Variants in DLG2 observed in about 807,000 individuals in gnomAD.
DLG2 encodes the protein discs large MAGUK scaffold protein 2, also known as disks large homolog 2.
In DLG2, 45 loss-of-function variants were observed where a neutral mutation model predicts 132.5. That is an observed-to-expected ratio of 0.34 (90% CI 0.27 to 0.44). The LOEUF (loss-of-function observed/expected upper bound fraction) is 0.44, where lower values mean the gene tolerates loss of function less well. Ranked by LOEUF, DLG2 falls within the 20% of genes least tolerant of loss-of-function variation. The pLI, the probability that DLG2 is intolerant of heterozygous loss-of-function variation, is 1.00. For missense variants in DLG2, 1,045 were observed against 1,196.9 expected, an observed-to-expected ratio of 0.87 and a Z score of 1.87; for synonymous variants, 424 against 419.6, an observed-to-expected ratio of 1.01 and a Z score of -0.13.
chr11:84,795,680 T>TGAGAAGAAGAGAAGA (rs1565983846), intron 6 of DLG2, among the ~76,000 whole-genome samples: 1 of 151,878 alleles, frequency 6.6e-6, no homozygotes, highest in African/African-American at 2.4e-5. Flanking sequence ...TTGTGGACAA[T>TGAGAAGAAGAGAAGA]GAGAAGAAGA....
At chr11:85,154,682 C>A in intron 4 of DLG2, 31 bp from the exon 5 acceptor site, 1 of 1,075,554 alleles carries the variant, frequency 9.3e-7, no homozygotes, top group Non-Finnish European at 1.4e-6. Flanking sequence ...ATCAATACTC[C>A]TTTTTTATTT....
intron 6 of DLG2, among the ~76,000 whole-genome samples, chr11:84,692,834 T>G (rs1371271868): frequency 1.3e-5 from 2 of 151,798 alleles, no homozygotes; most frequent in African/African-American, 4.8e-5. Context: ...ACAATTATAA[T>G]AGTTAACATT....
At chr11:84,863,387 C>A (rs886166812) in intron 6 of DLG2, among the ~76,000 whole-genome samples, 3 of 152,086 alleles carry the variant, frequency 2.0e-5, no homozygotes, top group African/African-American at 7.2e-5. Context: ...ATAATGTTTT[C>A]TCAGTTAAGT....
At chr11:83,817,984 A>G (rs1413736061) in intron 17 of DLG2, among the ~76,000 whole-genome samples, 2 of 152,176 alleles carry the variant, frequency 1.3e-5, no homozygotes, top group African/African-American at 2.4e-5. Flanking sequence ...CATCCTTTTT[A>G]TCACACAAAG....
chr11:84,167,966 C>T (rs1055029227), intron 8 of DLG2, among the ~76,000 whole-genome samples: 2 of 152,102 alleles, frequency 1.3e-5, no homozygotes, highest in South Asian at 2.1e-4. Context: ...ACGCCTGGCC[C>T]AAGATGAATA....
intron 19 of DLG2, among the ~76,000 whole-genome samples, chr11:83,562,696 G>GA (rs1446633927): frequency 6.6e-6 from 1 of 151,940 alleles, no homozygotes; most frequent in Non-Finnish European, 1.5e-5. Context: ...TCAGTATATT[G>GA]AAAAAATACA....
intron 6 of DLG2, among the ~76,000 whole-genome samples, chr11:84,674,884 T>G (rs950830338): frequency 6.6e-6 from 1 of 152,166 alleles, no homozygotes; most frequent in Non-Finnish European, 1.5e-5. Context: ...TCAGCCTCCA[T>G]CTCACCAAGT....
At chr11:84,840,991 T>TAA (rs200955316) in intron 6 of DLG2, among the ~76,000 whole-genome samples, 5 of 120,702 alleles carry the variant, frequency 4.1e-5, no homozygotes, top group Non-Finnish European at 5.3e-5. Flanking sequence ...AGTATAATAG[T>TAA]AAAAAAAAAA....
intron 14 of DLG2, among the ~76,000 whole-genome samples, chr11:83,935,316 G>A (rs979388971): frequency 4.6e-5 from 7 of 152,160 alleles, no homozygotes; most frequent in African/African-American, 1.7e-4. Flanking sequence ...TAAGAGGATT[G>A]AATTCCAGTC....
chr11:84,852,429 T>C (rs1193233714), intron 6 of DLG2, among the ~76,000 whole-genome samples: 1 of 152,016 alleles, frequency 6.6e-6, no homozygotes. Context: ...TATTGATACT[T>C]GCCTCTGTAG....
chr11:84,288,420 C>A (rs1367620844), intron 7 of DLG2, among the ~76,000 whole-genome samples: 9 of 152,046 alleles, frequency 5.9e-5, no homozygotes, highest in African/African-American at 2.2e-4. Flanking sequence ...CTATTTGATA[C>A]TTTAGGCAAT....
At chr11:84,716,182 T>C (rs2061203902) in intron 6 of DLG2, among the ~76,000 whole-genome samples, 1 of 152,072 alleles carries the variant, frequency 6.6e-6, no homozygotes, top group African/African-American at 2.4e-5. Context: ...CACCTCTCCT[T>C]GTACCCACTG....
chr11:85,406,465 T>C (rs2088748839), intron 3 of DLG2, among the ~76,000 whole-genome samples: 2 of 83,238 alleles, frequency 2.4e-5, no homozygotes, highest in South Asian at 7.2e-4. Flanking sequence ...GAACGACCTA[T>C]CAAAACTGAA....
At chr11:84,695,792 CAT>C (rs2058553494) in intron 6 of DLG2, among the ~76,000 whole-genome samples, 1 of 151,448 alleles carries the variant, frequency 6.6e-6, no homozygotes, top group Admixed American at 6.6e-5. Flanking sequence ...TAATAATTAA[CAT>C]ATGCTGAGTA....
At chr11:84,858,333 A>T (rs541260262) in intron 6 of DLG2, among the ~76,000 whole-genome samples, 1 of 152,282 alleles carries the variant, frequency 6.6e-6, no homozygotes, top group East Asian at 1.9e-4. Flanking sequence ...TAAAAAAAAA[A>T]ATTAAGTTAC....
chr11:85,624,636 C>T (rs918005210), intron 2 of DLG2, among the ~76,000 whole-genome samples: 37 of 152,224 alleles, frequency 2.4e-4, no homozygotes, highest in African/African-American at 7.9e-4. Context: ...ACAATATACA[C>T]ATAACTTGTT....
At chr11:84,119,843 A>C (rs1346495654) in intron 9 of DLG2, among the ~76,000 whole-genome samples, 2 of 152,240 alleles carry the variant, frequency 1.3e-5, no homozygotes, top group Non-Finnish European at 2.9e-5. Flanking sequence ...CTTGAAAAGC[A>C]TGAGTGTGTT....
At chr11:83,620,240 C>A (rs1343841907) in intron 19 of DLG2, among the ~76,000 whole-genome samples, 2 of 145,268 alleles carry the variant, frequency 1.4e-5, no homozygotes, top group Non-Finnish European at 3.1e-5. Flanking sequence ...ATGAAAGATA[C>A]TATAATGTGA....
At chr11:84,497,444 G>GTA (rs1444203966) in intron 7 of DLG2, among the ~76,000 whole-genome samples, 1 of 152,034 alleles carries the variant, frequency 6.6e-6, no homozygotes, top group African/African-American at 2.4e-5. Context: ...CTAAATGTGA[G>GTA]TATATATCCC....
Sources: allele counts gnomAD v4.1 joint callset (sites outside exome capture counted in the v4.1 genomes callset), GRCh38; gene constraint gnomAD v4.1.1; transcripts MANE v1.5; gene names NCBI Gene and HGNC (gene_info 2026-07-23, HGNC 2026-07-21).